The following ADGRL3 variants were observed in gnomAD, a reference collection of about 807,000 sequenced individuals.
ADGRL3 encodes calcium-independent alpha-latrotoxin receptor 3.
In ADGRL3, 62 loss-of-function variants were observed where a neutral mutation model predicts 153.5. The observed-to-expected ratio is 0.40, with a 90% CI of 0.33 to 0.50. The LOEUF (loss-of-function observed/expected upper bound fraction) is 0.50, where lower values mean the gene tolerates loss of function less well. Among genes scored for constraint, ADGRL3 ranks in the 20% least tolerant of loss-of-function variants. ADGRL3 has a pLI of 0.47. For missense variants in ADGRL3, 1,641 were observed against 1,859.4 expected (o/e 0.88, Z 2.16); for synonymous variants, 710 against 672.5 (o/e 1.06, Z -0.86).
intron 10 of ADGRL3, among the ~76,000 whole-genome samples, chr4:61,894,335 G>A (rs1322759715): frequency 6.6e-6 from 1 of 152,084 alleles, no homozygotes; most frequent in Non-Finnish European, 1.5e-5. Flanking sequence ...TGGGTGGGAA[G>A]ACCAAAGGGT....
chr4:61,606,579 G>A (rs2099033292), intron 5 of ADGRL3, among the ~76,000 whole-genome samples: 1 of 152,116 alleles, frequency 6.6e-6, no homozygotes, highest in South Asian at 2.1e-4. Flanking sequence ...TATTGGACGA[G>A]GGTCCCATCT....
chr4:61,601,947 T>G (rs1012316722), intron 5 of ADGRL3, among the ~76,000 whole-genome samples: 2 of 152,208 alleles, frequency 1.3e-5, no homozygotes, highest in Non-Finnish European at 2.9e-5. Flanking sequence ...TTCTGCCTTC[T>G]GCGTGATTGT....
At chr4:61,643,498 AG>A (rs879944556) in intron 5 of ADGRL3, among the ~76,000 whole-genome samples, 1,709 of 151,934 alleles carry the variant, frequency 0.011, 16 homozygotes, top group Non-Finnish European at 0.018. Flanking sequence ...TTTAGCATGA[AG>A]GGTTGTTGAA....
chr4:61,342,738 C>T (rs2095831326), intron 1 of ADGRL3, among the ~76,000 whole-genome samples: 1 of 152,150 alleles, frequency 6.6e-6, no homozygotes, highest in African/African-American at 2.4e-5. Flanking sequence ...AACCCTTAAA[C>T]TTCTTTTCAG....
chr4:61,869,491 G>A (rs200625981), intron 9 of ADGRL3, among the ~76,000 whole-genome samples: 3 of 151,648 alleles, frequency 2.0e-5, no homozygotes, highest in Non-Finnish European at 2.9e-5. Context: ...CCAGCTACTC[G>A]GGAGGCTGAG....
At chr4:61,560,120 A>G (rs2148955791) in intron 4 of ADGRL3, among the ~76,000 whole-genome samples, 1 of 152,184 alleles carries the variant, frequency 6.6e-6, no homozygotes, top group East Asian at 1.9e-4. Context: ...CTTTGCTTCC[A>G]TTGTCTAACC....
At chr4:62,055,499 A>G (rs1048610799) in intron 25 of ADGRL3, among the ~76,000 whole-genome samples, 1 of 151,830 alleles carries the variant, frequency 6.6e-6, no homozygotes, top group Non-Finnish European at 1.5e-5. Context: ...CAGCTCTTCA[A>G]TTTATGACTT....
chr4:61,811,737 C>T (rs958583557), intron 8 of ADGRL3, among the ~76,000 whole-genome samples: 4 of 152,074 alleles, frequency 2.6e-5, no homozygotes, highest in Admixed American at 6.6e-5. Context: ...GAAACTAATT[C>T]GCAATCTACC....
intron 2 of ADGRL3, among the ~76,000 whole-genome samples, chr4:61,402,684 T>C (rs987988079): frequency 6.6e-6 from 1 of 152,040 alleles, no homozygotes; most frequent in African/African-American, 2.4e-5. Context: ...CCTAAACTTA[T>C]CAGCTAGAGA....
chr4:61,534,138 G>A (rs567913425), intron 4 of ADGRL3, among the ~76,000 whole-genome samples: 116 of 152,140 alleles, frequency 7.6e-4, no homozygotes, highest in African/African-American at 2.7e-3. Flanking sequence ...TGAGAGATAG[G>A]GGCCCAGTTT....
intron 5 of ADGRL3, among the ~76,000 whole-genome samples, chr4:61,645,771 T>G (rs1400140228): frequency 3.3e-5 from 5 of 152,004 alleles, no homozygotes; most frequent in Non-Finnish European, 7.4e-5. Context: ...GTCTTGGAGT[T>G]GCTCTTCTTG....
chr4:61,796,425 G>T (rs1483681892), intron 8 of ADGRL3, among the ~76,000 whole-genome samples: 2 of 152,030 alleles, frequency 1.3e-5, no homozygotes, highest in Non-Finnish European at 2.9e-5. Context: ...CAGAAAAGCT[G>T]GGTCTCTCTA....
intron 8 of ADGRL3, among the ~76,000 whole-genome samples, chr4:61,735,745 T>C (rs2096500137): frequency 6.6e-6 from 1 of 152,160 alleles, no homozygotes; most frequent in Non-Finnish European, 1.5e-5. Context: ...TAATTCAAAT[T>C]TCATTTATTT....
chr4:62,066,685 T>C (rs1743157807), intron 25 of ADGRL3, among the ~76,000 whole-genome samples: 1 of 152,104 alleles, frequency 6.6e-6, no homozygotes, highest in Non-Finnish European at 1.5e-5. Flanking sequence ...ATTCTAAAGC[T>C]TTAAAGAAAC....
At chr4:61,282,878 A>T (rs2093781487) in intron 1 of ADGRL3, among the ~76,000 whole-genome samples, 1 of 152,122 alleles carries the variant, frequency 6.6e-6, no homozygotes, top group African/African-American at 2.4e-5. Flanking sequence ...CTATTCATAG[A>T]GCATAACAGC....
intron 6 of ADGRL3, among the ~76,000 whole-genome samples, chr4:61,695,142 A>G (rs2095616780): frequency 6.6e-6 from 1 of 152,222 alleles, no homozygotes; most frequent in Admixed American, 6.5e-5. Flanking sequence ...CCCATGAATC[A>G]CAAATGTTTA....
intron 8 of ADGRL3, among the ~76,000 whole-genome samples, chr4:61,741,898 A>G (rs77359511): frequency 0.087 from 13,235 of 152,330 alleles, 1,219 homozygotes; most frequent in African/African-American, 0.23. Context: ...ATTGTTAGAC[A>G]TGAAATCAAA....
chr4:61,293,111 G>C (rs1217054957), intron 1 of ADGRL3, among the ~76,000 whole-genome samples: 1 of 152,144 alleles, frequency 6.6e-6, no homozygotes, highest in Non-Finnish European at 1.5e-5. Flanking sequence ...TTGGTGAACT[G>C]CTGAGACACG....
At chr4:61,704,058 A>T (rs566096904) in intron 6 of ADGRL3, among the ~76,000 whole-genome samples, 2 of 152,304 alleles carry the variant, frequency 1.3e-5, no homozygotes, top group Admixed American at 6.5e-5. Context: ...AAATCTAATT[A>T]ACAGTGCTTC....
Sources: allele counts gnomAD v4.1 joint callset (sites outside exome capture counted in the v4.1 genomes callset), GRCh38; gene constraint gnomAD v4.1.1; transcripts MANE v1.5; gene names NCBI Gene and HGNC (gene_info 2026-07-23, HGNC 2026-07-21).